Variants in PHACTR1 observed in about 807,000 individuals in gnomAD.
PHACTR1 encodes the protein RPEL repeat containing 1.
Under a neutral mutation model 69.2 loss-of-function variants are expected in PHACTR1, and 16 were observed. The ratio of observed to expected loss-of-function variants is 0.23; its 90% CI spans 0.16 to 0.35. The LOEUF (loss-of-function observed/expected upper bound fraction) is 0.35. PHACTR1 is among the 10% of genes least tolerant of loss of function. PHACTR1 has a pLI of 1.00. For missense variants in PHACTR1, 510 were observed against 734.7 expected, an observed-to-expected ratio of 0.69 and a Z score of 3.54; for synonymous variants, 312 against 284.5, an observed-to-expected ratio of 1.10 and a Z score of -0.97.
At chr6:13,161,579 A>G (rs558535167) in intron 6 of PHACTR1, among the ~76,000 whole-genome samples, 36 of 152,196 alleles carry the variant, frequency 2.4e-4, no homozygotes, top group African/African-American at 8.2e-4. Flanking sequence ...TGGTCCTGTA[A>G]TCTGCCGACG....
chr6:13,045,687 T>C (rs1369075360), intron 4 of PHACTR1, among the ~76,000 whole-genome samples: 4 of 152,244 alleles, frequency 2.6e-5, no homozygotes, highest in Non-Finnish European at 5.9e-5. Context: ...TATGGATCCC[T>C]GAGTTTTCCT....
chr6:12,813,207 G>A (rs925058875), intron 4 of PHACTR1, among the ~76,000 whole-genome samples: 1 of 152,124 alleles, frequency 6.6e-6, no homozygotes, highest in Non-Finnish European at 1.5e-5. Flanking sequence ...GCACTTCACT[G>A]AAACTCATTT....
chr6:13,065,267 G>A (rs74376887), intron 5 of PHACTR1, among the ~76,000 whole-genome samples: 5,078 of 152,052 alleles, frequency 0.033, 290 homozygotes, highest in African/African-American at 0.11. Context: ...CAAAGTCGAG[G>A]GTACAGTAAC....
intron 5 of PHACTR1, among the ~76,000 whole-genome samples, chr6:13,070,569 A>G (rs4292514): frequency 0.47 from 71,962 of 152,028 alleles, 19,184 homozygotes; most frequent in East Asian, 0.83. Context: ...TCTCACCCCA[A>G]AGTCTTCTGG....
intron 5 of PHACTR1, among the ~76,000 whole-genome samples, chr6:13,130,297 C>CA (rs1820219506): frequency 6.6e-6 from 1 of 151,198 alleles, no homozygotes; most frequent in Non-Finnish European, 1.5e-5. Context: ...AAAAACAAAA[C>CA]AAAACAAAAA....
chr6:13,079,795 G>A (rs1372035491), intron 5 of PHACTR1, among the ~76,000 whole-genome samples: 1 of 152,164 alleles, frequency 6.6e-6, no homozygotes, highest in South Asian at 2.1e-4. Flanking sequence ...TGATATACCA[G>A]CAAGATCACC....
chr6:13,215,108 A>C (rs957996590), intron 8 of PHACTR1, among the ~76,000 whole-genome samples: 1 of 152,256 alleles, frequency 6.6e-6, no homozygotes, highest in Admixed American at 6.5e-5. Context: ...CAGGCCCTGC[A>C]AAAAGAAAGG....
At chr6:12,991,728 G>A (rs1796838738) in intron 4 of PHACTR1, among the ~76,000 whole-genome samples, 1 of 152,184 alleles carries the variant, frequency 6.6e-6, no homozygotes, top group African/African-American at 2.4e-5. Context: ...AGGAAGAAAT[G>A]GAAGTAGTTT....
At chr6:12,786,285 C>T (rs1280373940) in intron 4 of PHACTR1, among the ~76,000 whole-genome samples, 1 of 152,238 alleles carries the variant, frequency 6.6e-6, no homozygotes, top group East Asian at 1.9e-4. Context: ...CTTGCACATT[C>T]ATGCATGTGT....
intron 4 of PHACTR1, among the ~76,000 whole-genome samples, chr6:12,895,386 T>A (rs1430194763): frequency 6.6e-6 from 1 of 152,108 alleles, no homozygotes; most frequent in Non-Finnish European, 1.5e-5. Context: ...TTTTGCCATG[T>A]TGGCCAGGCT....
intron 4 of PHACTR1, among the ~76,000 whole-genome samples, chr6:12,796,967 G>T (rs1013963652): frequency 1.3e-5 from 2 of 151,928 alleles, no homozygotes; most frequent in Non-Finnish European, 2.9e-5. Context: ...CAGTGGAAGA[G>T]CCAGACATTA....
chr6:12,907,981 T>A (rs959097427), intron 4 of PHACTR1, among the ~76,000 whole-genome samples: 2 of 152,226 alleles, frequency 1.3e-5, no homozygotes, highest in Admixed American at 6.5e-5. Flanking sequence ...AACCTGTGTG[T>A]CCATCTATGT....
intron 5 of PHACTR1, among the ~76,000 whole-genome samples, chr6:13,091,955 G>T (rs958875836): frequency 6.6e-6 from 1 of 152,076 alleles, no homozygotes; most frequent in African/African-American, 2.4e-5. Context: ...ATATGACCAC[G>T]CCTGGCTAAT....
At chr6:13,227,114 G>C (rs755044086) in intron 8 of PHACTR1, among the ~76,000 whole-genome samples, 3 of 152,132 alleles carry the variant, frequency 2.0e-5, no homozygotes, top group Non-Finnish European at 4.4e-5. Flanking sequence ...CATCATCCTC[G>C]ATGCCTCTTA....
At chr6:13,258,030 T>C (rs555922748) in intron 10 of PHACTR1, among the ~76,000 whole-genome samples, 2 of 152,250 alleles carry the variant, frequency 1.3e-5, no homozygotes, top group South Asian at 2.1e-4. Context: ...CAGTGCAGGT[T>C]TGAATTACCT....
intron 5 of PHACTR1, among the ~76,000 whole-genome samples, chr6:13,102,106 T>A (rs564185111): frequency 2.0e-5 from 3 of 152,348 alleles, no homozygotes; most frequent in Admixed American, 2.0e-4. Flanking sequence ...CATTGCTTAC[T>A]GACCCAGAGC....
At chr6:13,075,847 C>A (rs1041181535) in intron 5 of PHACTR1, among the ~76,000 whole-genome samples, 5 of 152,066 alleles carry the variant, frequency 3.3e-5, no homozygotes, top group African/African-American at 1.2e-4. Context: ...CTCCGACTCC[C>A]TGCAGCAAGC....
chr6:12,753,943 AATATAT>A (rs775836853), intron 4 of PHACTR1, among the ~76,000 whole-genome samples: 1,547 of 86,248 alleles, frequency 0.018, 22 homozygotes, highest in African/African-American at 0.075. Context: ...GCAAGTTGTA[AATATAT>A]ATATATATAT....
At chr6:13,118,597 G>C (rs916423383) in intron 5 of PHACTR1, among the ~76,000 whole-genome samples, 2 of 149,856 alleles carry the variant, frequency 1.3e-5, no homozygotes, top group Non-Finnish European at 2.9e-5. Context: ...TTCTGCCTCA[G>C]CTTCCCAAGT....
Sources: gnomAD v4.1 joint callset for allele counts (sites outside exome capture counted in the v4.1 genomes callset) on GRCh38, gnomAD v4.1.1 for gene constraint, MANE v1.5 for transcripts, NCBI Gene and HGNC (gene_info 2026-07-23, HGNC 2026-07-21) for gene names.